The following EEFSEC variants were observed in gnomAD, a reference collection of about 807,000 sequenced individuals.
EEFSEC encodes eukaryotic elongation factor, selenocysteine-tRNA specific.
In EEFSEC, 43 loss-of-function variants were observed where a neutral mutation model predicts 42.1. The observed-to-expected ratio is 1.02, with a 90% CI of 0.80 to 1.32. The LOEUF (loss-of-function observed/expected upper bound fraction) is 1.32, where lower values mean the gene tolerates loss of function less well. Among genes scored for constraint, EEFSEC ranks in the 40% most tolerant of loss-of-function variants. The pLI, the probability that EEFSEC is intolerant of heterozygous loss-of-function variation, is 0.00. For synonymous variants in EEFSEC, 354 were observed against 339.1 expected (o/e 1.04, Z -0.48); for missense variants, 745 against 803.6 (o/e 0.93, Z 0.88).
intron 4 of EEFSEC, among the ~76,000 whole-genome samples, chr3:128,275,936 C>T (rs2107956010): frequency 6.6e-6 from 1 of 152,322 alleles, no homozygotes; most frequent in South Asian, 2.1e-4. Flanking sequence ...GGAAGCACAG[C>T]TGCACCCTGG....
At chr3:128,388,321 C>A (rs527432031) in intron 6 of EEFSEC, among the ~76,000 whole-genome samples, 1 of 152,330 alleles carries the variant, frequency 6.6e-6, no homozygotes, top group East Asian at 1.9e-4. Context: ...ATGCCAAGTC[C>A]CCCTCCAGTG....
chr3:128,409,656 C>T (rs763680943), downstream of EEFSEC, among the ~76,000 whole-genome samples: 11 of 152,192 alleles, frequency 7.2e-5, no homozygotes, highest in Admixed American at 2.6e-4. Context: ...GTGGCCTCCG[C>T]GGCTGCTGCA....
At chr3:128,423,475 T>C in the EEFSEC span, among the ~76,000 whole-genome samples, 2 of 129,320 alleles carry the variant, frequency 1.5e-5, no homozygotes, top group Non-Finnish European at 3.1e-5. Context: ...CAAGACCCTG[T>C]CTCAATAAAT....
chr3:128,310,497 C>G (rs761946166), intron 4 of EEFSEC, among the ~76,000 whole-genome samples: 4 of 152,176 alleles, frequency 2.6e-5, no homozygotes, highest in African/African-American at 9.7e-5. Flanking sequence ...TGCGCCTATC[C>G]CCTGGTCTCC....
chr3:128,417,156 C>T, the EEFSEC span, among the ~76,000 whole-genome samples: 1 of 152,174 alleles, frequency 6.6e-6, no homozygotes, highest in African/African-American at 2.4e-5. The surrounding 1 kb of genome is among the most constrained non-coding windows in gnomAD (Gnocchi z 4.3). Context: ...TGGTCTCCTG[C>T]TCTGCCGGCT....
chr3:128,294,225 T>A (rs1386819194), intron 4 of EEFSEC, among the ~76,000 whole-genome samples: 3 of 152,120 alleles, frequency 2.0e-5, no homozygotes, highest in African/African-American at 7.2e-5. Flanking sequence ...CTCCTTCCCA[T>A]AGGGTCCCCT....
chr3:128,309,012 C>G (rs1167905596), intron 4 of EEFSEC, among the ~76,000 whole-genome samples: 1 of 152,218 alleles, frequency 6.6e-6, no homozygotes, highest in Non-Finnish European at 1.5e-5. Flanking sequence ...GGTTGAGAAC[C>G]TACTGGCTGC....
intron 4 of EEFSEC, among the ~76,000 whole-genome samples, chr3:128,289,177 G>A (rs1017358624): frequency 8.5e-5 from 13 of 152,172 alleles, no homozygotes; most frequent in Admixed American, 2.6e-4. Flanking sequence ...AATACAGAGC[G>A]ACACCACCAC....
chr3:128,206,003 G>A (rs565406906), intron 1 of EEFSEC, among the ~76,000 whole-genome samples: 5 of 152,124 alleles, frequency 3.3e-5, no homozygotes, highest in Non-Finnish European at 7.4e-5. Context: ...TTAAAATAAC[G>A]ACTCTTTAAG....
chr3:128,407,308 G>A (rs897120170), intron 6 of EEFSEC, among the ~76,000 whole-genome samples: 2 of 152,216 alleles, frequency 1.3e-5, no homozygotes, highest in Admixed American at 6.5e-5. Context: ...GCCTGGGGGC[G>A]GGGCTGCGTA....
chr3:128,259,345 A>G (rs2066274559), intron 2 of EEFSEC, among the ~76,000 whole-genome samples: 1 of 152,268 alleles, frequency 6.6e-6, no homozygotes, highest in Non-Finnish European at 1.5e-5. Context: ...GAAGTGGTTC[A>G]ATATTGTATG....
intron 1 of EEFSEC, among the ~76,000 whole-genome samples, chr3:128,188,035 A>G (rs1410226729): frequency 6.6e-6 from 1 of 152,068 alleles, no homozygotes; most frequent in African/African-American, 2.4e-5. Flanking sequence ...AAACATTTAC[A>G]CTTTGTTCTG....
At chr3:128,163,951 A>G (rs1054604510) in intron 1 of EEFSEC, among the ~76,000 whole-genome samples, 1 of 151,280 alleles carries the variant, frequency 6.6e-6, no homozygotes, top group South Asian at 2.1e-4. Context: ...AAAAAAAAAA[A>G]ACAAAACTAT....
intron 1 of EEFSEC, among the ~76,000 whole-genome samples, chr3:128,168,463 A>G (rs1473802925): frequency 1.3e-5 from 2 of 152,158 alleles, no homozygotes; most frequent in African/African-American, 4.8e-5. Context: ...GGTAAAAAAA[A>G]CTTTCTGGGG....
intron 5 of EEFSEC, among the ~76,000 whole-genome samples, chr3:128,343,206 C>T (rs781614527): frequency 1.1e-4 from 16 of 152,202 alleles, no homozygotes; most frequent in Non-Finnish European, 2.2e-4. Context: ...TTCCATCGCC[C>T]ACCCTCCGCT....
At chr3:128,394,778 AC>A (rs2107628323) in intron 6 of EEFSEC, among the ~76,000 whole-genome samples, 1 of 152,210 alleles carries the variant, frequency 6.6e-6, no homozygotes, top group East Asian at 1.9e-4. Flanking sequence ...GCCTCTGGCC[AC>A]AGCCTTTTCT....
At chr3:128,336,088 TG>T (rs2067187161) in intron 4 of EEFSEC, among the ~76,000 whole-genome samples, 2 of 152,134 alleles carry the variant, frequency 1.3e-5, no homozygotes, top group South Asian at 4.2e-4. Flanking sequence ...TGTGTCTCTC[TG>T]GCAGCCTCAG....
At chr3:128,425,385 G>A in the EEFSEC span, among the ~76,000 whole-genome samples, 1 of 151,912 alleles carries the variant, frequency 6.6e-6, no homozygotes, top group African/African-American at 2.4e-5. Context: ...GGCTGTGGAC[G>A]AGCGGATGGA....
the EEFSEC span, among the ~76,000 whole-genome samples, chr3:128,421,426 G>T: frequency 9.6e-4 from 147 of 152,334 alleles, 1 homozygote; most frequent in African/African-American, 3.4e-3. Context: ...AGCTCAGAGT[G>T]GGGCCTTCAA....
Sources: gnomAD v4.1 joint callset for allele counts (sites outside exome capture counted in the v4.1 genomes callset) on GRCh38, gnomAD v4.1.1 for gene constraint, Gnocchi (gnomAD v3.1) non-coding constraint, MANE v1.5 for transcripts, NCBI Gene and HGNC (gene_info 2026-07-23, HGNC 2026-07-21) for gene names.